Variants in GRM4 observed in about 807,000 individuals in gnomAD.
GRM4 encodes the protein metabotropic glutamate receptor 4.
GRM4 carries 28 observed loss-of-function variants against 81.7 expected under a neutral mutation model. The observed-to-expected ratio is 0.34, with a 90% CI of 0.25 to 0.47. GRM4 has a LOEUF of 0.47. Among genes scored for constraint, GRM4 ranks in the 20% least tolerant of loss-of-function variants. The pLI is 1.00. For missense variants in GRM4, 948 were observed against 1,290.0 expected (o/e 0.73, Z 4.06); for synonymous variants, 488 against 528.8 (o/e 0.92, Z 1.06).
chr6:34,076,404 G>A (rs1336717858), intron 3 of GRM4, among the ~76,000 whole-genome samples: 2 of 152,096 alleles, frequency 1.3e-5, no homozygotes, highest in Non-Finnish European at 2.9e-5. Context: ...TCTGGCTCCC[G>A]CAGGCCACTC....
intron 6 of GRM4, among the ~76,000 whole-genome samples, chr6:34,041,668 C>T (rs1482072199): frequency 6.6e-6 from 1 of 152,228 alleles, no homozygotes; most frequent in Non-Finnish European, 1.5e-5. Context: ...CAGCAGATGG[C>T]TCGTCCACAG....
rs1768118199 is a variant in GRM4 at position 34,089,998 on chromosome 6, G to C, written c.736+1885C>G. 6.6e-6 allele frequency among the ~76,000 whole-genome samples: 1 copy of C among 152,204 alleles called. No individual in the cohort carries two copies. Among genetic ancestry groups the C allele is most frequent in the Non-Finnish European group, 1.5e-5 (1 of 68,034 alleles). ...CTCTAGTTCCGGAGCCAGCCATCCT[G>C]GGTTCAAATCCCTTCTCCACCTCTT... On this transcript the variant is annotated intron_variant, in intron 3 of 10. Coordinates refer to ENST00000538487, the MANE Select transcript of GRM4 (RefSeq NM_000841.4). The surrounding 1 kb of genome is among the most constrained non-coding windows in gnomAD (Gnocchi z 4.3).
Position 34,136,018 on chromosome 6 carries a change from G to A in GRM4, c.-363-2159C>T, listed in dbSNP as rs187517927. On this transcript the variant is annotated intron_variant, in intron 1 of 10. Coordinates refer to ENST00000538487, the MANE Select transcript of GRM4 (RefSeq NM_000841.4). The surrounding 1 kb of genome is among the most constrained non-coding windows in gnomAD (Gnocchi z 4.1). ...CAGAGATGCTAACTGGCCAGCTGTG[G>A]GTGGGAGAGCCTGCACAGTTAAACA... 1.3e-5 allele frequency among the ~76,000 whole-genome samples: 2 copies of A among 152,310 alleles called. No homozygotes were observed. Among genetic ancestry groups the A allele is most frequent in the Admixed American group, 1.3e-4 (2 of 15,306 alleles).
At chr6:34,095,750 C>T (rs925185756) in intron 2 of GRM4, among the ~76,000 whole-genome samples, 4 of 152,158 alleles carry the variant, frequency 2.6e-5, no homozygotes, top group Non-Finnish European at 1.5e-5. Context: ...TCGTTGTTGT[C>T]ATTGTCATTG....
chr6:34,061,741 C>T, intron 4 of GRM4, 152 bp downstream of exon 4: 2 of 733,968 alleles, frequency 2.7e-6, no homozygotes, highest in Non-Finnish European at 4.6e-6. Context: ...CTGTGGGTCT[C>T]CCTGCCCACA....
intron 1 of GRM4, among the ~76,000 whole-genome samples, chr6:34,137,300 C>T (rs1423111274): frequency 6.6e-6 from 1 of 152,246 alleles, no homozygotes; most frequent in Non-Finnish European, 1.5e-5. Flanking sequence ...CAGAGCCAGG[C>T]ATGGAGGAAT....
upstream of GRM4, among the ~76,000 whole-genome samples, chr6:34,149,003 C>T (rs1305437216): frequency 6.6e-6 from 1 of 152,116 alleles, no homozygotes; most frequent in African/African-American, 2.4e-5. Context: ...AATAATAATA[C>T]AGAGTCCTGA....
chr6:34,086,759 G>A (rs1321209237), intron 3 of GRM4, among the ~76,000 whole-genome samples: 1 of 152,216 alleles, frequency 6.6e-6, no homozygotes, highest in Non-Finnish European at 1.5e-5. Context: ...ACCTCTCTGA[G>A]CCTCTGTTTA....
Position 34,133,447 on chromosome 6 carries a change from C to A in GRM4, c.50G>T (p.Cys17Phe). The change falls in exon 2 of 11, where the codon TGC (cysteine) becomes TTC (phenylalanine). Residue 17 changes from cysteine (C) to phenylalanine (F), a missense_variant. Physicochemically the swap from Cys to Phe is radical, Grantham distance 205. Coordinates refer to ENST00000538487, the MANE Select transcript of GRM4 (RefSeq NM_000841.4). The surrounding 1 kb of genome is among the most constrained non-coding windows in gnomAD (Gnocchi z 6.5). The stretch of plus-strand genomic sequence containing the variant: ...GGGGCCGTAAAGGCTGAGGAGCAGG[C>A]AAAGGGGCAGCCGGGCCCACCACCA... Reference protein sequence around the residue: ...LGWWWARLPLCLLLSLYGPWM... With the variant: ...LGWWWARLPLFLLLSLYGPWM... 1 of 1,605,348 alleles carries A rather than the reference C, an allele frequency of 6.2e-7. No homozygotes were observed.
chr6:34,077,119 G>C (rs1767353302), intron 3 of GRM4, among the ~76,000 whole-genome samples: 1 of 152,128 alleles, frequency 6.6e-6, no homozygotes, highest in Non-Finnish European at 1.5e-5. Context: ...GTGTTACAGT[G>C]CAAGGGACTA....
chr6:34,136,279 T>C lies in GRM4; in HGVS notation c.-363-2420A>G, dbSNP rs192412702. ...AGCTTGTGCAGGCTGCCCGTGCCCC[T>C]GGCTGCTCCTCTGTGCTGGCCCAGA... On this transcript the variant is annotated intron_variant, in intron 1 of 10. Transcript: ENST00000538487. The surrounding 1 kb of genome is among the most constrained non-coding windows in gnomAD (Gnocchi z 4.1). Among the ~76,000 whole-genome samples the C allele has an allele frequency of 1.0e-3, 157 of 152,270 alleles. 1 individual carries two copies. Among genetic ancestry groups the C allele is most frequent in the East Asian group, 9.7e-3 (50 of 5,164 alleles).
At chr6:34,083,938 G>A (rs1767746719) in intron 3 of GRM4, among the ~76,000 whole-genome samples, 3 of 152,172 alleles carry the variant, frequency 2.0e-5, no homozygotes, top group South Asian at 2.1e-4. Flanking sequence ...TTCCTGAACC[G>A]AAACGCCAAG....
intron 2 of GRM4, among the ~76,000 whole-genome samples, chr6:34,117,717 T>C (rs939460547): frequency 6.6e-6 from 1 of 152,098 alleles, no homozygotes; most frequent in Non-Finnish European, 1.5e-5. Flanking sequence ...CCTGCCCCCA[T>C]GGGGAGCTCA....
intron 2 of GRM4, among the ~76,000 whole-genome samples, chr6:34,098,615 C>A (rs1239719412): frequency 6.6e-6 from 1 of 152,244 alleles, no homozygotes; most frequent in Non-Finnish European, 1.5e-5. Context: ...GGCTTGGCTG[C>A]CTGCTCCTTG....
chr6:34,095,473 G>A (rs898797645), intron 2 of GRM4, among the ~76,000 whole-genome samples: 38 of 151,986 alleles, frequency 2.5e-4, no homozygotes, highest in South Asian at 2.1e-4. Flanking sequence ...TCACCTCCCC[G>A]GCCTCAGTTT....
rs934906433 is a variant in GRM4 at position 34,069,253 on chromosome 6, C to T, written c.737-7225G>A. ...TTCTGACTTCCAAAGCCAGGCCCTT[C>T]CCCAAAACAGCTCTCAGGAAGGGGA... On this transcript the variant is annotated intron_variant, in intron 3 of 10. Coordinates refer to ENST00000538487, the MANE Select transcript of GRM4 (RefSeq NM_000841.4). The surrounding 1 kb of genome is among the most constrained non-coding windows in gnomAD (Gnocchi z 6.4). Among the ~76,000 whole-genome samples the T allele has an allele frequency of 9.2e-5, 14 of 152,110 alleles. No homozygotes were observed. The highest frequency in any genetic ancestry group is 3.3e-4 in the Admixed American group (5 of 15,266).
chr6:34,041,663 G>A (rs1765027129), intron 6 of GRM4, among the ~76,000 whole-genome samples: 1 of 152,226 alleles, frequency 6.6e-6, no homozygotes, highest in African/African-American at 2.4e-5. Context: ...ACAGCCAGCA[G>A]ATGGCTCGTC....
rs150552481 is a variant in GRM4, at chr6:34,094,350, C to T, written c.520-2251G>A. Among the ~76,000 whole-genome samples, 52 of 152,326 alleles carry T rather than the reference C, an allele frequency of 3.4e-4. 1 individual carries two copies. Among genetic ancestry groups the T allele is most frequent in the Middle Eastern group, 3.4e-3 (1 of 294 alleles). On this transcript the variant is annotated intron_variant, in intron 2 of 10. Transcript: ENST00000538487. ...ACCCATTTGGAAAGCAAACCACACT[C>T]GACTATACTGGAATCTATGTGTCCC...
rs1334965256 is a variant in GRM4, at chr6:34,020,372, G to GC, written c.*2448dup. On this transcript the variant is annotated 3_prime_UTR_variant, in exon 11 of 11. Coordinates refer to ENST00000538487, the MANE Select transcript of GRM4 (RefSeq NM_000841.4). ...TGGACTGAGCATGAAACCCCTGCAG[G>GC]CCCTGCCCTGGACCTAGCCTTGGGC... 2 of 152,352 alleles carry GC rather than the reference G, an allele frequency of 1.3e-5. No homozygotes were observed. The highest frequency in any genetic ancestry group is 4.8e-5 in the African/African-American group (2 of 41,432). The allele number at this position is 152,352 out of a possible 1,614,324, so 9.4% of individuals were successfully genotyped here.
Sources: gnomAD v4.1 joint callset for allele counts (sites outside exome capture counted in the v4.1 genomes callset) on GRCh38, gnomAD v4.1.1 for gene constraint, Gnocchi (gnomAD v3.1) non-coding constraint, MANE v1.5 for transcripts, NCBI Gene and HGNC (gene_info 2026-07-23, HGNC 2026-07-21) for gene names.